EIF4G3: variants seen among roughly 807,000 people sequenced by gnomAD.
EIF4G3 encodes the protein eukaryotic translation initiation factor 4 gamma 3.
EIF4G3 carries 34 observed loss-of-function variants against 186.4 expected under a neutral mutation model. That is an observed-to-expected ratio of 0.18 (90% confidence interval 0.14 to 0.24). The LOEUF (loss-of-function observed/expected upper bound fraction) is 0.24, where lower values mean the gene tolerates loss of function less well. EIF4G3 is among the 10% of genes least tolerant of loss of function. The probability of loss-of-function intolerance (pLI) is 1.00; values close to 1 mark genes in which losing one functional copy is unlikely to be tolerated. For synonymous variants in EIF4G3, 673 were observed against 679.5 expected (o/e 0.99, Z 0.15); for missense variants, 1,536 against 1,948.5 (o/e 0.79, Z 3.99).
chr1:20,916,435 A>T (rs1488946951), intron 14 of EIF4G3, among the ~76,000 whole-genome samples: 1 of 151,890 alleles, frequency 6.6e-6, no homozygotes, highest in African/African-American at 2.4e-5. Flanking sequence ...CAATAGAGAG[A>T]GACTCTGTCT....
chr1:21,098,883 T>C (rs2096452412), intron 2 of EIF4G3, among the ~76,000 whole-genome samples: 1 of 152,160 alleles, frequency 6.6e-6, no homozygotes, highest in Non-Finnish European at 1.5e-5. Context: ...GCAATGCTCC[T>C]GCCTTAGCCT....
chr1:20,956,804 G>A (rs2096440247), intron 12 of EIF4G3, among the ~76,000 whole-genome samples: 4 of 151,864 alleles, frequency 2.6e-5, no homozygotes, highest in Admixed American at 6.6e-5. Context: ...ACAGGGTATC[G>A]ATATGTTGCC....
intron 4 of EIF4G3, among the ~76,000 whole-genome samples, chr1:21,039,359 T>A (rs1037204781): frequency 1.3e-5 from 2 of 152,168 alleles, no homozygotes; most frequent in Admixed American, 6.5e-5. Flanking sequence ...AAATGAATCA[T>A]AGATCTAAAT....
intron 2 of EIF4G3, among the ~76,000 whole-genome samples, chr1:21,152,387 C>A (rs2097567205): frequency 1.4e-5 from 2 of 138,644 alleles, no homozygotes; most frequent in Non-Finnish European, 3.1e-5. Flanking sequence ...TTTGGGTTCA[C>A]AAATTTGAAA....
At chr1:20,848,635 T>C (rs1399633044) in intron 29 of EIF4G3, among the ~76,000 whole-genome samples, 2 of 152,236 alleles carry the variant, frequency 1.3e-5, no homozygotes, top group Admixed American at 6.5e-5. Flanking sequence ...AATCTCTGGC[T>C]TAGGCTGTCT....
chr1:21,102,103 G>A (rs2096538899), intron 2 of EIF4G3, among the ~76,000 whole-genome samples: 1 of 152,104 alleles, frequency 6.6e-6, no homozygotes, highest in South Asian at 2.1e-4. Flanking sequence ...GTTTTATATG[G>A]TAAGCTATCT....
intron 10 of EIF4G3, among the ~76,000 whole-genome samples, chr1:20,973,356 C>G (rs1038339487): frequency 6.0e-5 from 9 of 150,972 alleles, no homozygotes; most frequent in African/African-American, 2.2e-4. Context: ...CCTACAGATC[C>G]ACACCACAGT....
intron 20 of EIF4G3, among the ~76,000 whole-genome samples, chr1:20,879,042 C>T (rs961772888): frequency 5.9e-5 from 9 of 152,258 alleles, no homozygotes; most frequent in Middle Eastern, 6.8e-3. Flanking sequence ...TTGCCCATGA[C>T]GATAATTTTA....
In EIF4G3 at chr1:21,003,555, T is replaced by A. The variant is rs527247997; in HGVS notation, c.-66-747A>T. On this transcript the variant is annotated intron_variant, in intron 4 of 36. Coordinates refer to ENST00000602326, the MANE Select transcript of EIF4G3 (RefSeq NM_001391906.1). Reference sequence around the variant, plus strand: ...ATGTATTATGTTGCTAGAAAAAGAATCCCAGAACTTTCCCTCCTATGTGTT... The same window carrying A: ...ATGTATTATGTTGCTAGAAAAAGAAACCCAGAACTTTCCCTCCTATGTGTT... The A allele has an allele frequency of 1.0e-3, 265 of 265,926 alleles. 1 individual carries two copies. The highest frequency in any genetic ancestry group is 1.7e-3 in the Non-Finnish European group (220 of 132,616). 16.5% of individuals were successfully genotyped at this position (265,926 alleles called of 1,614,324 possible).
chr1:21,176,226 A>ACCGCTGCCG lies in EIF4G3; in HGVS notation c.-332_-324dup, dbSNP rs1553339097. 2.2e-5 allele frequency: 9 copies of ACCGCTGCCG among 400,544 alleles called. No homozygotes were observed. Among genetic ancestry groups the ACCGCTGCCG allele is most frequent in the African/African-American group, 1.2e-4 (5 of 43,440 alleles). The allele number at this position is 400,544 out of a possible 1,614,324, so 24.8% of individuals were successfully genotyped here. ...CCTGATGTTCGGGTGAGGAGGGGGG[A>ACCGCTGCCG]CCGCTGCCGCCGCCGCCGCCGCCGC... On this transcript the variant is annotated 5_prime_UTR_variant, in exon 2 of 37. Coordinates refer to ENST00000602326, the MANE Select transcript of EIF4G3 (RefSeq NM_001391906.1).
intron 30 of EIF4G3, among the ~76,000 whole-genome samples, chr1:20,836,090 T>G (rs1040228809): frequency 8.5e-5 from 13 of 152,178 alleles, no homozygotes; most frequent in Admixed American, 5.2e-4. Flanking sequence ...ATGGCAATCC[T>G]CCTACCTCAG....
chr1:20,984,593 C>CT (rs1158261981), intron 7 of EIF4G3, among the ~76,000 whole-genome samples: 2,233 of 132,564 alleles, frequency 0.017, 33 homozygotes, highest in Middle Eastern at 0.034. Flanking sequence ...CATATATACA[C>CT]TTTTTTTTTT....
intron 30 of EIF4G3, among the ~76,000 whole-genome samples, chr1:20,839,229 G>A (rs574257164): frequency 8.6e-5 from 13 of 151,204 alleles, no homozygotes; most frequent in East Asian, 7.9e-4. Flanking sequence ...CACCCGCCTC[G>A]GCCTCCCAAA....
At chr1:20,890,206 C>T (rs2085562033) in intron 18 of EIF4G3, among the ~76,000 whole-genome samples, 1 of 152,120 alleles carries the variant, frequency 6.6e-6, no homozygotes, top group Non-Finnish European at 1.5e-5. Flanking sequence ...CTCCTGGCCT[C>T]ATGTAATCTG....
chr1:20,967,558 T>A (rs1442458973), intron 12 of EIF4G3, among the ~76,000 whole-genome samples: 1 of 152,122 alleles, frequency 6.6e-6, no homozygotes, highest in Non-Finnish European at 1.5e-5. Context: ...ACAACACACA[T>A]GTCCAGATGG....
At chr1:20,871,715 T>G (rs1011994787) in intron 20 of EIF4G3, among the ~76,000 whole-genome samples, 1 of 152,212 alleles carries the variant, frequency 6.6e-6, no homozygotes, top group African/African-American at 2.4e-5. Context: ...CCAGCATTGC[T>G]GAAACACATA....
Position 21,134,593 on chromosome 1 carries a change from C to T in EIF4G3, c.-272+41582G>A, listed in dbSNP as rs557718703. Among the ~76,000 whole-genome samples, 3 of 152,164 alleles carry T rather than the reference C, an allele frequency of 2.0e-5. No homozygotes were observed. In the East Asian group the frequency reaches 5.8e-4, roughly 29 times the overall value. On this transcript the variant is annotated intron_variant, in intron 2 of 36. Coordinates refer to ENST00000602326, the MANE Select transcript of EIF4G3 (RefSeq NM_001391906.1). ...CTGATTCATGAGAATCACTTGAGCC[C>T]GGGAGGCGGAGGTTGCAGTGAGCTG... is the stretch of plus-strand genomic sequence containing the variant.
At chr1:20,817,302 A>C in intron 34 of EIF4G3, 90 bp downstream of exon 34, 1 of 671,398 alleles carries the variant, frequency 1.5e-6, no homozygotes, top group Non-Finnish European at 2.2e-6. Flanking sequence ...ATAAAAATTC[A>C]TGAAGTGAAC....
intron 18 of EIF4G3, among the ~76,000 whole-genome samples, chr1:20,891,317 C>T (rs2154555539): frequency 6.6e-6 from 1 of 152,076 alleles, no homozygotes; most frequent in African/African-American, 2.4e-5. Flanking sequence ...CAACATTGGG[C>T]AATATGATAA....
Sources: allele counts gnomAD v4.1 joint callset (sites outside exome capture counted in the v4.1 genomes callset), GRCh38; gene constraint gnomAD v4.1.1; transcripts MANE v1.5; gene names NCBI Gene and HGNC (gene_info 2026-07-23, HGNC 2026-07-21).